CMIP: variants seen among roughly 807,000 people sequenced by gnomAD.
The protein encoded by CMIP is c-Maf inducing protein, also known as C-Maf-inducing protein.
In CMIP, 13 loss-of-function variants were observed where a neutral mutation model predicts 97.3. The ratio of observed to expected loss-of-function variants is 0.13; its 90% CI spans 0.09 to 0.21. CMIP has a LOEUF of 0.21. Among genes scored for constraint, CMIP ranks in the 10% least tolerant of loss-of-function variants. The pLI is 1.00. For missense variants in CMIP, 847 were observed against 1,024.9 expected (o/e 0.83, Z 2.37); for synonymous variants, 538 against 436.3 (o/e 1.23, Z -2.91).
At chr16:81,636,720 A>G (rs193269295) in intron 3 of CMIP, among the ~76,000 whole-genome samples, 7 of 152,224 alleles carry the variant, frequency 4.6e-5, no homozygotes, top group Admixed American at 6.5e-5. Context: ...TAAATGCACA[A>G]TGCATGAACG....
chr16:81,479,328 A>G (rs1022020336), intron 1 of CMIP, among the ~76,000 whole-genome samples: 38 of 152,010 alleles, frequency 2.5e-4, no homozygotes, highest in Non-Finnish European at 8.8e-5. Context: ...TCAGCATGTG[A>G]CCTTTTTTTA....
intron 1 of CMIP, among the ~76,000 whole-genome samples, chr16:81,584,080 G>A (rs1316207410): frequency 6.6e-6 from 1 of 152,180 alleles, no homozygotes; most frequent in African/African-American, 2.4e-5. Context: ...TTCAAGGGCT[G>A]GGAGCGCCGA....
intron 1 of CMIP, among the ~76,000 whole-genome samples, chr16:81,504,198 C>T (rs1401576524): frequency 2.0e-5 from 3 of 151,952 alleles, no homozygotes; most frequent in Admixed American, 6.5e-5. Flanking sequence ...TGGTCGTGGG[C>T]GCCAGTAATC....
chr16:81,638,376 T>TC (rs2092263019), intron 3 of CMIP, among the ~76,000 whole-genome samples: 1 of 151,852 alleles, frequency 6.6e-6, no homozygotes, highest in Non-Finnish European at 1.5e-5. Context: ...GGCACAGCCC[T>TC]CCCCCCAGAG....
intron 1 of CMIP, among the ~76,000 whole-genome samples, chr16:81,472,854 T>C (rs904262836): frequency 2.6e-5 from 4 of 152,148 alleles, no homozygotes; most frequent in Non-Finnish European, 5.9e-5. Context: ...GTGGCATCTG[T>C]GGTGATCTGC....
chr16:81,586,681 T>A (rs1347869795), intron 1 of CMIP, among the ~76,000 whole-genome samples: 3 of 152,148 alleles, frequency 2.0e-5, no homozygotes, highest in Non-Finnish European at 2.9e-5. Flanking sequence ...AACTCAAACA[T>A]CGCATACTCT....
At chr16:81,663,926 C>T (rs1464648071) in intron 6 of CMIP, among the ~76,000 whole-genome samples, 1 of 152,142 alleles carries the variant, frequency 6.6e-6, no homozygotes, top group Non-Finnish European at 1.5e-5. Flanking sequence ...TCCAGTGCCC[C>T]ACATGCCTGC....
chr16:81,693,222 C>A, intron 12 of CMIP, 38 bp downstream of exon 12: 1 of 1,592,078 alleles, frequency 6.3e-7, no homozygotes, highest in Non-Finnish European at 8.6e-7. Flanking sequence ...CATTCTGGCA[C>A]GCACGGCCTC....
At chr16:81,626,247 GA>G (rs1331417616) in intron 3 of CMIP, among the ~76,000 whole-genome samples, 2 of 122,398 alleles carry the variant, frequency 1.6e-5, no homozygotes, top group African/African-American at 5.8e-5. Context: ...GTGAATGTGT[GA>G]GTGTGTGTGA....
rs144679908 is a variant in CMIP at position 81,553,318 on chromosome 16, G to C, written c.301-54249G>C. ...TGCCCCCAGGAGGCAGGCGGGACCT[G>C]GCTGCAGGGATGTGGGAAATAGGAC... is the stretch of plus-strand genomic sequence containing the variant. On this transcript the variant is annotated intron_variant, in intron 1 of 20. Transcript: ENST00000537098. Among the ~76,000 whole-genome samples the C allele has an allele frequency of 6.8e-3, 1,043 of 152,308 alleles. 14 individuals carry two copies. Among genetic ancestry groups the C allele is most frequent in the African/African-American group, 0.024 (984 of 41,564 alleles).
At position 81,457,941 on chromosome 16, in the gene CMIP, G is replaced by A. The variant is rs530273137; in HGVS notation, c.300+12400G>A. ...CTCCCCCCTACCTTTGATCCCTCCC[G>A]ACTGACCTCCCCCTCGCTGTCCCTG... On this transcript the variant is annotated intron_variant, in intron 1 of 20. Transcript: ENST00000537098. Among the ~76,000 whole-genome samples, 7 of 152,260 alleles carry A rather than the reference G, an allele frequency of 4.6e-5. No homozygotes were observed. In the East Asian group the frequency reaches 1.4e-3, roughly 29 times the overall value.
At chr16:81,630,218 C>A (rs1302849305) in intron 3 of CMIP, 2 of 152,208 alleles carry the variant, frequency 1.3e-5, no homozygotes, top group African/African-American at 2.4e-5. Context: ...CATGTGGTAC[C>A]CACTCAGAAC....
intron 14 of CMIP, 79 bp downstream of exon 14, chr16:81,696,746 C>G: frequency 1.5e-6 from 2 of 1,359,396 alleles, no homozygotes; most frequent in Non-Finnish European, 2.0e-6. Flanking sequence ...CAGCCGTCCC[C>G]CATCCCCTGG....
At chr16:81,523,559 C>G (rs2150810632) in intron 1 of CMIP, among the ~76,000 whole-genome samples, 1 of 152,346 alleles carries the variant, frequency 6.6e-6, no homozygotes, top group East Asian at 1.9e-4. Context: ...ACTGACTCAT[C>G]CAGTCTGACA....
At chr16:81,515,962 C>G (rs909176721) in intron 1 of CMIP, among the ~76,000 whole-genome samples, 3 of 152,226 alleles carry the variant, frequency 2.0e-5, no homozygotes, top group Non-Finnish European at 4.4e-5. Flanking sequence ...ACCCTATGGC[C>G]TGTCCTCTGT....
intron 1 of CMIP, among the ~76,000 whole-genome samples, chr16:81,483,271 A>G (rs1005187613): frequency 6.6e-6 from 1 of 152,058 alleles, no homozygotes; most frequent in African/African-American, 2.4e-5. Flanking sequence ...CGGCTAAAGG[A>G]GGTAAAGGAG....
intron 1 of CMIP, among the ~76,000 whole-genome samples, chr16:81,451,081 G>A (rs1906180018): frequency 6.6e-6 from 1 of 152,176 alleles, no homozygotes; most frequent in East Asian, 1.9e-4. Context: ...CTGTTGATGG[G>A]CATTGAGGTT....
At chr16:81,484,907 T>C (rs978148925) in intron 1 of CMIP, among the ~76,000 whole-genome samples, 1 of 152,232 alleles carries the variant, frequency 6.6e-6, no homozygotes, top group Middle Eastern at 3.4e-3. Flanking sequence ...CCCTGCCTCT[T>C]TCCCTCCCTC....
chr16:81,652,226 A>C lies in CMIP; in HGVS notation c.501A>C (p.Lys167Asn), dbSNP rs573230096. The change falls in exon 4 of 21, where the codon AAA becomes AAC. Residue 167 changes from lysine (K) to asparagine (N), a missense_variant. Coordinates refer to ENST00000537098, the MANE Select transcript of CMIP (RefSeq NM_198390.3). This position sits in a 1 kb window ranked among gnomAD's most constrained non-coding sequence, Gnocchi z 5.2. ...AGAAAAAGATTTACAAATATAAGAA[A>C]GTGCTGAGTAACCCAAGCCGCTGGG... ...QWKKKIYKYK[K>N]VLSNPSRWEV... 1 of 1,613,594 alleles carries C rather than the reference A, an allele frequency of 6.2e-7. No individual in the cohort carries two copies. Among genetic ancestry groups the C allele is most frequent in the African/African-American group, 1.3e-5 (1 of 75,036 alleles).
Sources: allele counts gnomAD v4.1 joint callset (sites outside exome capture counted in the v4.1 genomes callset), GRCh38; gene constraint gnomAD v4.1.1; non-coding constraint Gnocchi (gnomAD v3.1); transcripts MANE v1.5; gene names NCBI Gene and HGNC (gene_info 2026-07-23, HGNC 2026-07-21).